Variants in DACH1 observed in about 807,000 individuals in gnomAD.
DACH1 encodes the protein dachshund homolog 1.
A neutral mutation model predicts 54.2 loss-of-function variants in DACH1; 12 were observed. That is an observed-to-expected ratio of 0.22 (90% CI 0.14 to 0.36). The LOEUF is 0.36. DACH1 is among the 10% of genes least tolerant of loss of function. The pLI is 1.00. For synonymous variants in DACH1, 386 were observed against 366.2 expected, an observed-to-expected ratio of 1.05 and a Z score of -0.62; for missense variants, 805 against 929.8, an observed-to-expected ratio of 0.87 and a Z score of 1.75.
At chr13:71,799,057 T>C (rs1403408239) in intron 1 of DACH1, among the ~76,000 whole-genome samples, 4 of 152,114 alleles carry the variant, frequency 2.6e-5, no homozygotes, top group Non-Finnish European at 5.9e-5. Flanking sequence ...GAAGCTAAAG[T>C]TTCCCCCCTT....
intron 1 of DACH1, among the ~76,000 whole-genome samples, chr13:71,682,180 C>T (rs925633658): frequency 3.3e-5 from 5 of 152,166 alleles, no homozygotes; most frequent in African/African-American, 1.2e-4. Context: ...TTTGAATTGC[C>T]TCGTTTGCAT....
At chr13:71,449,970 A>G (rs1874874708) in intron 10 of DACH1, among the ~76,000 whole-genome samples, 1 of 151,394 alleles carries the variant, frequency 6.6e-6, no homozygotes, top group Admixed American at 6.6e-5. Flanking sequence ...CCTAATGTTA[A>G]ATGACGAGTT....
intron 1 of DACH1, among the ~76,000 whole-genome samples, chr13:71,695,242 A>C (rs546982593): frequency 1.3e-5 from 2 of 152,176 alleles, no homozygotes; most frequent in African/African-American, 2.4e-5. Context: ...AGGACCTTAG[A>C]TCTGATGACT....
At chr13:71,625,001 A>G (rs74888458) in intron 3 of DACH1, among the ~76,000 whole-genome samples, 2 of 151,950 alleles carry the variant, frequency 1.3e-5, no homozygotes, top group East Asian at 1.9e-4. Flanking sequence ...CCTGCCCATC[A>G]TTTCTCTAGT....
At chr13:71,616,419 T>G (rs1875769122) in intron 3 of DACH1, among the ~76,000 whole-genome samples, 1 of 152,206 alleles carries the variant, frequency 6.6e-6, no homozygotes, top group Non-Finnish European at 1.5e-5. Flanking sequence ...TTTCATTATG[T>G]GCAGGAGTTT....
intron 3 of DACH1, among the ~76,000 whole-genome samples, chr13:71,620,084 GTTTAAC>G (rs1275453690): frequency 1.3e-5 from 2 of 151,818 alleles, no homozygotes; most frequent in Admixed American, 6.6e-5. Flanking sequence ...TTGATAAGAT[GTTTAAC>G]TTTAATATTT....
intron 1 of DACH1, among the ~76,000 whole-genome samples, chr13:71,729,066 A>G (rs569882062): frequency 6.6e-6 from 1 of 152,142 alleles, no homozygotes; most frequent in African/African-American, 2.4e-5. Context: ...AAGAAATCCC[A>G]AGTAAAAGAA....
intron 6 of DACH1, among the ~76,000 whole-genome samples, chr13:71,508,873 C>A (rs988788371): frequency 2.3e-4 from 35 of 152,116 alleles, no homozygotes; most frequent in Non-Finnish European, 4.3e-4. Flanking sequence ...TCCCCAAATG[C>A]ATTTCACTAT....
intron 6 of DACH1, among the ~76,000 whole-genome samples, chr13:71,496,852 C>A (rs1404722703): frequency 6.6e-6 from 1 of 152,094 alleles, no homozygotes; most frequent in Non-Finnish European, 1.5e-5. Context: ...TATAAAATAT[C>A]TAGAGGTATT....
intron 2 of DACH1, among the ~76,000 whole-genome samples, chr13:71,674,568 G>A (rs1313368020): frequency 6.6e-6 from 1 of 151,952 alleles, no homozygotes; most frequent in Non-Finnish European, 1.5e-5. Context: ...GAAGCTCAAA[G>A]AGGAAAGGAC....
At chr13:71,757,805 G>A (rs570146747) in intron 1 of DACH1, among the ~76,000 whole-genome samples, 53 of 152,182 alleles carry the variant, frequency 3.5e-4, no homozygotes, top group Middle Eastern at 6.8e-3. Flanking sequence ...TTACAGGTGT[G>A]AGCCACCACG....
Position 71,438,759 on chromosome 13 carries a change from A to C in DACH1, c.*1896T>G, listed in dbSNP as rs1214688705. The C allele has an allele frequency of 6.6e-6, 1 of 152,446 alleles. No individual in the cohort carries two copies. The highest frequency in any genetic ancestry group is 1.5e-5 in the Non-Finnish European group (1 of 67,890). 9.4% of individuals were successfully genotyped at this position (152,446 alleles called of 1,614,324 possible). The stretch of plus-strand genomic sequence containing the variant: ...TTGTAATCCTTTAAAGACTGCATAT[A>C]GGGAAACAAACACATAGAACTAGGA... On this transcript the variant is annotated 3_prime_UTR_variant, in exon 11 of 11. Coordinates refer to ENST00000613252, the MANE Select transcript of DACH1 (RefSeq NM_080759.6).
intron 4 of DACH1, among the ~76,000 whole-genome samples, chr13:71,568,349 T>C (rs1885011715): frequency 1.3e-5 from 2 of 151,984 alleles, no homozygotes; most frequent in African/African-American, 2.4e-5. Flanking sequence ...ATTGTCCAAA[T>C]TGAGGTTGAT....
intron 1 of DACH1, among the ~76,000 whole-genome samples, chr13:71,768,922 T>C (rs1885744450): frequency 1.3e-5 from 2 of 152,028 alleles, no homozygotes; most frequent in Middle Eastern, 6.8e-3. Flanking sequence ...TTAGTTGTGA[T>C]ACTATTTCCT....
intron 10 of DACH1, among the ~76,000 whole-genome samples, chr13:71,464,256 T>C (rs1016476910): frequency 6.6e-6 from 1 of 152,030 alleles, no homozygotes; most frequent in South Asian, 2.1e-4. Flanking sequence ...TTATAAATCT[T>C]ATTTTTAAAA....
intron 6 of DACH1, among the ~76,000 whole-genome samples, chr13:71,500,851 T>C (rs1260728284): frequency 6.6e-6 from 1 of 151,990 alleles, no homozygotes; most frequent in Non-Finnish European, 1.5e-5. Context: ...AATCATAGAA[T>C]CTACTTAAAA....
intron 1 of DACH1, among the ~76,000 whole-genome samples, chr13:71,739,589 C>T (rs1283306684): frequency 6.6e-6 from 1 of 151,732 alleles, no homozygotes; most frequent in East Asian, 1.9e-4. Context: ...TGTCAGTTTG[C>T]ACTATCTACC....
chr13:71,860,522 T>C (rs1228548319), intron 1 of DACH1, among the ~76,000 whole-genome samples: 1 of 151,670 alleles, frequency 6.6e-6, no homozygotes, highest in African/African-American at 2.4e-5. Flanking sequence ...AAACAAAGTT[T>C]AACTTTTTAA....
At chr13:71,680,562 C>T (rs759968804) in intron 2 of DACH1, among the ~76,000 whole-genome samples, 3 of 152,046 alleles carry the variant, frequency 2.0e-5, no homozygotes, top group Non-Finnish European at 4.4e-5. Flanking sequence ...CACGACTGAG[C>T]GACTGCATTA....
Sources: gnomAD v4.1 joint callset for allele counts (sites outside exome capture counted in the v4.1 genomes callset) on GRCh38, gnomAD v4.1.1 for gene constraint, MANE v1.5 for transcripts, NCBI Gene and HGNC (gene_info 2026-07-23, HGNC 2026-07-21) for gene names.